Variants in UBE2G1 observed in about 807,000 individuals in gnomAD.
UBE2G1 encodes ubiquitin-conjugating enzyme E2 G1.
In UBE2G1, 5 loss-of-function variants were observed where a neutral mutation model predicts 22.7. The observed-to-expected ratio is 0.22, with a 90% CI of 0.12 to 0.46. The LOEUF is 0.46. Among genes scored for constraint, UBE2G1 ranks in the 20% least tolerant of loss-of-function variants. The pLI, the probability that UBE2G1 is intolerant of heterozygous loss-of-function variation, is 0.99. For synonymous variants in UBE2G1, 74 were observed against 67.5 expected (o/e 1.10, Z -0.47); for missense variants, 88 against 203.9 (o/e 0.43, Z 3.46).
intron 5 of UBE2G1, among the ~76,000 whole-genome samples, chr17:4,278,825 T>C (rs1968850512): frequency 6.6e-6 from 1 of 152,192 alleles, no homozygotes; most frequent in Admixed American, 6.5e-5. Context: ...TGAAAGCACA[T>C]CTAAATTTTT....
At chr17:4,349,526 G>A (rs536266566) in intron 1 of UBE2G1, among the ~76,000 whole-genome samples, 31 of 151,518 alleles carry the variant, frequency 2.0e-4, no homozygotes, top group African/African-American at 7.0e-4. Flanking sequence ...AAAAAAACAC[G>A]TCACATAGTT....
At chr17:4,349,194 C>G (rs1053961024) in intron 1 of UBE2G1, among the ~76,000 whole-genome samples, 1 of 152,172 alleles carries the variant, frequency 6.6e-6, no homozygotes, top group African/African-American at 2.4e-5. Context: ...GTGGCGCATG[C>G]GTGTAGTCCC....
chr17:4,299,908 G>C (rs1598185454), intron 2 of UBE2G1, among the ~76,000 whole-genome samples: 1 of 148,958 alleles, frequency 6.7e-6, no homozygotes, highest in African/African-American at 2.5e-5. Flanking sequence ...CTCACTGCAA[G>C]CTCTGCCTCC....
At chr17:4,315,799 CCTTTTTT>C (rs1281782841) in intron 1 of UBE2G1, among the ~76,000 whole-genome samples, 1 of 38,144 alleles carries the variant, frequency 2.6e-5, no homozygotes, top group Non-Finnish European at 8.1e-5. Context: ...AAAAGAGGCT[CCTTTTTT>C]TTTTTTTTTT....
intron 3 of UBE2G1, among the ~76,000 whole-genome samples, chr17:4,294,930 G>GT (rs1969091294): frequency 6.6e-6 from 1 of 151,092 alleles, no homozygotes; most frequent in Non-Finnish European, 1.5e-5. Context: ...TGGGAGAAAC[G>GT]TACGTGAGGG....
intron 1 of UBE2G1, among the ~76,000 whole-genome samples, chr17:4,346,527 T>C (rs1201490538): frequency 6.7e-6 from 1 of 149,964 alleles, no homozygotes; most frequent in Non-Finnish European, 1.5e-5. Context: ...CTCTGCCTCC[T>C]GGGTTCAAGC....
chr17:4,361,148 A>C (rs1420645678), intron 1 of UBE2G1, among the ~76,000 whole-genome samples: 1 of 151,690 alleles, frequency 6.6e-6, no homozygotes, highest in Admixed American at 6.6e-5. Flanking sequence ...ACTTGAACTC[A>C]GGAGGCGGAG....
intron 1 of UBE2G1, among the ~76,000 whole-genome samples, chr17:4,337,219 A>T (rs1969657918): frequency 6.6e-6 from 1 of 151,672 alleles, no homozygotes; most frequent in Admixed American, 6.6e-5. Context: ...CGCGTGCCTG[A>T]AGTCCTAGCT....
In UBE2G1 at chr17:4,366,514, C is replaced by G; in HGVS notation, c.-198G>C. The G allele has an allele frequency of 2.2e-6, 1 of 451,184 alleles. No homozygotes were observed. The highest frequency in any genetic ancestry group is 5.9e-4 in the Middle Eastern group (1 of 1,696). The allele number at this position is 451,184 out of a possible 1,614,324, so 27.9% of individuals were successfully genotyped here. A position where few individuals can be genotyped will look rare whatever the true frequency, so the allele number is the denominator to read the frequency against. ...CCGCTCGCTTCAGCTCTTTTCACAG[C>G]GACTCACGCCCGGAAGGGGAGGGTG... is the stretch of plus-strand genomic sequence containing the variant. On this transcript the variant is annotated 5_prime_UTR_variant, in exon 1 of 6. Transcript: ENST00000396981.
chr17:4,355,173 T>A (rs1355315770), intron 1 of UBE2G1, among the ~76,000 whole-genome samples: 1 of 151,832 alleles, frequency 6.6e-6, no homozygotes, highest in Non-Finnish European at 1.5e-5. Flanking sequence ...AGCTAATTTT[T>A]GTATTCTTAG....
At chr17:4,324,696 G>A (rs1378298618) in intron 1 of UBE2G1, among the ~76,000 whole-genome samples, 1 of 152,064 alleles carries the variant, frequency 6.6e-6, no homozygotes, top group African/African-American at 2.4e-5. Context: ...GGGATCACAG[G>A]CATGAGCCAC....
intron 1 of UBE2G1, among the ~76,000 whole-genome samples, chr17:4,349,999 C>A (rs1969826203): frequency 6.6e-6 from 1 of 152,110 alleles, no homozygotes; most frequent in African/African-American, 2.4e-5. Flanking sequence ...CTTGCTCAGG[C>A]TGGTCTCAAA....
At chr17:4,324,826 C>G (rs965343738) in intron 1 of UBE2G1, among the ~76,000 whole-genome samples, 6 of 152,038 alleles carry the variant, frequency 3.9e-5, no homozygotes, top group African/African-American at 1.4e-4. Flanking sequence ...GCCCGTAATC[C>G]CAGCATTTTG....
chr17:4,294,437 A>AAAAG (rs1175346562), intron 3 of UBE2G1, among the ~76,000 whole-genome samples: 4 of 71,348 alleles, frequency 5.6e-5, no homozygotes, highest in African/African-American at 2.3e-4. Flanking sequence ...AAAAAAAAAA[A>AAAAG]AAAGAAAGAA....
intron 1 of UBE2G1, among the ~76,000 whole-genome samples, chr17:4,338,226 AAC>A (rs1969672246): frequency 6.6e-6 from 1 of 152,162 alleles, no homozygotes; most frequent in African/African-American, 2.4e-5. Context: ...GGGGAAAAAA[AAC>A]AGACAAACTA....
At chr17:4,299,346 C>G (rs1231868530) in intron 2 of UBE2G1, among the ~76,000 whole-genome samples, 1 of 152,044 alleles carries the variant, frequency 6.6e-6, no homozygotes, top group African/African-American at 2.4e-5. Flanking sequence ...GTGCAGTGAG[C>G]CAAGATTGTG....
intron 1 of UBE2G1, 51 bp from the exon 2 acceptor site, chr17:4,307,174 C>T: frequency 6.9e-7 from 1 of 1,450,156 alleles, no homozygotes; most frequent in Non-Finnish European, 9.7e-7. Context: ...TAATTTGCAT[C>T]CAGTAGATAA....
chr17:4,275,058 C>A (rs763193011), intron 5 of UBE2G1, among the ~76,000 whole-genome samples: 1 of 151,822 alleles, frequency 6.6e-6, no homozygotes, highest in Non-Finnish European at 1.5e-5. Context: ...CAGGGGAGGA[C>A]GCCACTGCAC....
intron 4 of UBE2G1, among the ~76,000 whole-genome samples, chr17:4,283,596 G>C (rs1053521536): frequency 3.3e-5 from 5 of 152,132 alleles, no homozygotes; most frequent in African/African-American, 9.7e-5. Flanking sequence ...ACATAAGGTA[G>C]ATAGGTGGGA....
Sources: allele counts gnomAD v4.1 joint callset (sites outside exome capture counted in the v4.1 genomes callset), GRCh38; gene constraint gnomAD v4.1.1; transcripts MANE v1.5; gene names NCBI Gene and HGNC (gene_info 2026-07-23, HGNC 2026-07-21).